SCGB2B2: variants seen among roughly 807,000 people sequenced by gnomAD.
The protein encoded by SCGB2B2 is secretoglobin family 2B member 2.
SCGB2B2 carries 11 observed loss-of-function variants against 7.6 expected under a neutral mutation model. The observed-to-expected ratio is 1.45, with a 90% CI of 0.91 to 2.40. SCGB2B2 has a LOEUF of 2.40. Among genes scored for constraint, SCGB2B2 ranks in the 30% most tolerant of loss-of-function variants. The pLI is 0.00. For synonymous variants in SCGB2B2, 50 were observed against 48.6 expected, an observed-to-expected ratio of 1.03 and a Z score of -0.12; for missense variants, 104 against 115.4, an observed-to-expected ratio of 0.90 and a Z score of 0.45.
intron 1 of SCGB2B2, among the ~76,000 whole-genome samples, chr19:34,619,135 T>C (rs2066171715): frequency 6.6e-6 from 1 of 152,232 alleles, no homozygotes; most frequent in Non-Finnish European, 1.5e-5. Flanking sequence ...TCTGACAATA[T>C]GTTTAAGTGC....
Position 34,622,143 on chromosome 19 carries a change from G to T in SCGB2B2, c.-2031-25549C>A, listed in dbSNP as rs190112872. 4.6e-5 allele frequency among the ~76,000 whole-genome samples: 7 copies of T among 152,312 alleles called. No individual in the cohort carries two copies. In the East Asian group the frequency reaches 1.2e-3, roughly 25 times the overall value. On this transcript the variant is annotated intron_variant, in intron 1 of 3. Coordinates refer to ENST00000601241, the MANE Select transcript of SCGB2B2 (RefSeq NM_001025591.4). ...GCTGTAACTGCTCAGAGGCAAGCTG[G>T]CCGTACTTTAGCCATCAACTCAAGC...
chr19:34,607,302 CAGAT>C lies in SCGB2B2; in HGVS notation c.-2031-10712_-2031-10709del, dbSNP rs376164118. ...AAAGATAGATGGATGGATAGACAGA[CAGAT>C]AGATAGCTTTTGTGTGTGTGTATAT... On this transcript the variant is annotated intron_variant, in intron 1 of 3. Transcript: ENST00000601241. Among the ~76,000 whole-genome samples the C allele has an allele frequency of 5.1e-4, 78 of 151,714 alleles. 1 individual carries two copies. The highest frequency in any genetic ancestry group is 3.4e-3 in the Middle Eastern group (1 of 294).
chr19:34,637,868 T>C (rs149895301), intron 1 of SCGB2B2: 3 of 152,306 alleles, frequency 2.0e-5, no homozygotes, highest in East Asian at 1.9e-4. Context: ...CCAACTTCAA[T>C]GGCATATCAG....
rs1600031609 is a variant in SCGB2B2 at position 34,593,263 on chromosome 19, T to G, written c.*292A>C. ...TGAACCCAGAAGGTGGAGGCTGCAG[T>G]GAGCCAAGATCGCGCCAATGCACTC... On this transcript the variant is annotated 3_prime_UTR_variant, in exon 4 of 4. Transcript: ENST00000601241. The G allele has an allele frequency of 3.0e-6, 1 of 328,214 alleles. No homozygotes were observed. The highest frequency in any genetic ancestry group is 4.4e-5 in the Admixed American group (1 of 22,494). The allele number at this position is 328,214 out of a possible 1,614,324, so 20.3% of individuals were successfully genotyped here. A position where few individuals can be genotyped will look rare whatever the true frequency, so the allele number is the denominator to read the frequency against.
intron 1 of SCGB2B2, among the ~76,000 whole-genome samples, chr19:34,625,362 T>C (rs934962536): frequency 2.0e-5 from 3 of 152,210 alleles, no homozygotes; most frequent in African/African-American, 7.2e-5. Flanking sequence ...GGGAATTCCC[T>C]TTCCTAGTCA....
At chr19:34,632,438 C>A (rs890465179) in intron 1 of SCGB2B2, among the ~76,000 whole-genome samples, 7 of 152,086 alleles carry the variant, frequency 4.6e-5, no homozygotes, top group Non-Finnish European at 8.8e-5. Context: ...TTTAAATGGG[C>A]AAAAGATTTG....
chr19:34,655,992 C>A (rs928258403), intron 1 of SCGB2B2, among the ~76,000 whole-genome samples: 1 of 151,166 alleles, frequency 6.6e-6, no homozygotes, highest in African/African-American at 2.5e-5. Flanking sequence ...TGAAGACTAA[C>A]CCTGTTGGAA....
intron 1 of SCGB2B2, among the ~76,000 whole-genome samples, chr19:34,627,321 A>G (rs1269463427): frequency 6.6e-6 from 1 of 152,248 alleles, no homozygotes; most frequent in Non-Finnish European, 1.5e-5. Flanking sequence ...GGCAAATTGG[A>G]TAAAGAGTCA....
chr19:34,645,982 C>A, intron 1 of SCGB2B2: 1 of 330,514 alleles, frequency 3.0e-6, no homozygotes, highest in South Asian at 2.8e-5. Flanking sequence ...AACCCCAGCC[C>A]CCTGACAGAG....
chr19:34,658,813 C>CAAAAAAAAAAAAAAAA (rs138363297), intron 1 of SCGB2B2, among the ~76,000 whole-genome samples: 1 of 102,008 alleles, frequency 9.8e-6, no homozygotes, highest in African/African-American at 5.2e-5. Context: ...ACAACAACAA[C>CAAAAAAAAAAAAAAAA]AAAAAAAAAA....
chr19:34,665,869 A>T (rs1333299868), intron 1 of SCGB2B2, among the ~76,000 whole-genome samples: 1 of 152,010 alleles, frequency 6.6e-6, no homozygotes, highest in African/African-American at 2.4e-5. Flanking sequence ...CACTCCCTCT[A>T]GAAAGCCCCC....
chr19:34,639,055 A>G (rs537670150), intron 1 of SCGB2B2, among the ~76,000 whole-genome samples: 1 of 152,170 alleles, frequency 6.6e-6, no homozygotes, highest in Non-Finnish European at 1.5e-5. Flanking sequence ...TCCATCCTGA[A>G]AGCCGTATCC....
At chr19:34,656,946 C>T (rs954059517) in intron 1 of SCGB2B2, among the ~76,000 whole-genome samples, 6 of 151,016 alleles carry the variant, frequency 4.0e-5, no homozygotes, top group Non-Finnish European at 7.4e-5. Flanking sequence ...ACTAGAGATT[C>T]TACAAGTGGA....
chr19:34,648,996 G>A (rs866403010), intron 1 of SCGB2B2, among the ~76,000 whole-genome samples: 18 of 152,046 alleles, frequency 1.2e-4, no homozygotes, highest in South Asian at 2.1e-4. Context: ...TCCGGCTCCC[G>A]GGTTCAAGCG....
At chr19:34,640,266 T>C (rs1465744660) in intron 1 of SCGB2B2, 1 of 152,140 alleles carries the variant, frequency 6.6e-6, no homozygotes, top group Non-Finnish European at 1.5e-5. Context: ...ACCTGGCTAA[T>C]TTTTAATTTC....
In SCGB2B2 at chr19:34,592,269, A is replaced by T. The variant is rs2065315070; in HGVS notation, c.*1286T>A. ...GCAAAGATAGGGTGGTCAGCAGTGGAGCCTTGTCCTGGCCAGCCGTGTGTG... is the reference window on the plus strand; with the variant it reads ...GCAAAGATAGGGTGGTCAGCAGTGGTGCCTTGTCCTGGCCAGCCGTGTGTG... On this transcript the variant is annotated 3_prime_UTR_variant, in exon 4 of 4. Coordinates refer to ENST00000601241, the MANE Select transcript of SCGB2B2 (RefSeq NM_001025591.4). 6.6e-6 allele frequency among the ~76,000 whole-genome samples: 1 copy of T among 152,112 alleles called. No homozygotes were observed. The highest frequency in any genetic ancestry group is 2.1e-4 in the South Asian group (1 of 4,826).
intron 1 of SCGB2B2, among the ~76,000 whole-genome samples, chr19:34,669,572 C>T (rs967695970): frequency 6.6e-6 from 1 of 152,188 alleles, no homozygotes; most frequent in Non-Finnish European, 1.5e-5. Flanking sequence ...CCCAATCCCA[C>T]GGTGCTCCAG....
intron 1 of SCGB2B2, among the ~76,000 whole-genome samples, chr19:34,601,678 G>T (rs989961384): frequency 6.6e-6 from 1 of 151,936 alleles, no homozygotes; most frequent in African/African-American, 2.4e-5. Context: ...ATATTGTTTT[G>T]TATTCAGCAT....
chr19:34,588,271 G>C (rs145835384), downstream of SCGB2B2, among the ~76,000 whole-genome samples: 940 of 152,270 alleles, frequency 6.2e-3, 32 homozygotes, highest in South Asian at 0.097. Flanking sequence ...ATTTTTCCAG[G>C]AATTTATACA....
Sources: gnomAD v4.1 joint callset for allele counts (sites outside exome capture counted in the v4.1 genomes callset) on GRCh38, gnomAD v4.1.1 for gene constraint, MANE v1.5 for transcripts, NCBI Gene and HGNC (gene_info 2026-07-23, HGNC 2026-07-21) for gene names.